The following FAT3 variants were observed in gnomAD, a reference collection of about 807,000 sequenced individuals.
FAT3 encodes FAT atypical cadherin 3.
A neutral mutation model predicts 310.2 loss-of-function variants in FAT3; 95 were observed. The ratio of observed to expected loss-of-function variants is 0.31; its 90% CI spans 0.26 to 0.36. The LOEUF is 0.36. Among genes scored for constraint, FAT3 ranks in the 10% least tolerant of loss-of-function variants. FAT3 has a pLI of 1.00. For missense variants in FAT3, 5,408 were observed against 5,715.6 expected (o/e 0.95, Z 1.74); for synonymous variants, 2,314 against 2,192.9 (o/e 1.06, Z -1.54).
At position 92,809,916 on chromosome 11, in the gene FAT3, C is replaced by T. The variant is rs1174804769; in HGVS notation, c.9321C>T (p.Asp3107=). ...ACAGCCTGATGGCCAAGGCCACTGA[C>T]GGGGGTGGCAGGTTCTGCCAGTCCA... The part of the protein sequence containing the change: ...PVYSLMAKAT[D]GGGRFCQSNI... Residue 3107 remains aspartate, a synonymous_variant, in exon 13 of 28, where the codon GAC becomes GAT. Transcript: ENST00000525166. 39 of 1,613,746 alleles carry T rather than the reference C, an allele frequency of 2.4e-5. No individual in the cohort carries two copies. Among genetic ancestry groups the T allele is most frequent in the South Asian group, 4.4e-5 (4 of 91,090 alleles).
chr11:92,734,391 A>T (rs565865735), intron 4 of FAT3, among the ~76,000 whole-genome samples: 6 of 152,184 alleles, frequency 3.9e-5, no homozygotes, highest in Non-Finnish European at 8.8e-5. Context: ...AGAAGGGATT[A>T]CATAGATGTC....
chr11:92,569,202 G>A (rs982491120), intron 3 of FAT3, among the ~76,000 whole-genome samples: 6 of 152,082 alleles, frequency 3.9e-5, no homozygotes, highest in East Asian at 3.9e-4. Context: ...TACTAGCTCC[G>A]TGATCTTATG....
intron 19 of FAT3, among the ~76,000 whole-genome samples, chr11:92,855,982 T>C (rs960560331): frequency 1.4e-5 from 2 of 140,624 alleles, no homozygotes; most frequent in African/African-American, 5.8e-5. Context: ...ACAATATGCT[T>C]TTTTTTTTTT....
chr11:92,287,812 G>T (rs1404682401), intron 1 of FAT3, among the ~76,000 whole-genome samples: 1 of 152,094 alleles, frequency 6.6e-6, no homozygotes, highest in Admixed American at 6.6e-5. Flanking sequence ...AGTGCCAGAG[G>T]TTCCCAGGTA....
intron 4 of FAT3, among the ~76,000 whole-genome samples, chr11:92,742,614 G>A (rs982541420): frequency 6.6e-6 from 1 of 152,128 alleles, no homozygotes; most frequent in Non-Finnish European, 1.5e-5. Context: ...TCTCAGGAGT[G>A]GGTTCTGGAT....
At chr11:92,392,438 C>T (rs1468694415) in intron 2 of FAT3, among the ~76,000 whole-genome samples, 1 of 152,112 alleles carries the variant, frequency 6.6e-6, no homozygotes, top group Admixed American at 6.6e-5. Flanking sequence ...TCTAAAGCTG[C>T]TCCCTCTGCC....
chr11:92,356,978 C>T lies in FAT3; in HGVS notation c.3292+1574C>T, dbSNP rs373553021. ...CAGTGTAAATTATAAAATTGGTCTC[C>T]GTGGCTATAGTAGATTAAAAAGTCT... On this transcript the variant is annotated intron_variant, in intron 2 of 27. Coordinates refer to ENST00000525166, the MANE Select transcript of FAT3 (RefSeq NM_001367949.2). 3.2e-4 allele frequency among the ~76,000 whole-genome samples: 48 copies of T among 152,144 alleles called. No homozygotes were observed. The South Asian group carries it at 8.5e-3, about 27-fold the overall frequency.
rs2136411779 is a variant in FAT3, at chr11:92,882,977, T to A, written c.12521T>A (p.Val4174Asp). 6.2e-7 allele frequency: 1 copy of A among 1,613,928 alleles called. No individual in the cohort carries two copies. Among genetic ancestry groups the A allele is most frequent in the Non-Finnish European group, 8.5e-7 (1 of 1,179,872 alleles). Residue 4174 changes from valine to aspartate, a missense_variant, in exon 24 of 28, where the codon GTC (valine) becomes GAC (aspartate). Around this residue, in one of 5 missense-constraint regions of FAT3, gnomAD observed 649 missense variants for 666.2 expected, o/e 0.97. Transcript: ENST00000525166. Reference protein sequence around the residue: ...VIFILVVLFIVFRKKVFRKNY... With the variant: ...VIFILVVLFIDFRKKVFRKNY... The stretch of plus-strand genomic sequence containing the variant: ...TTCATCCTGGTGGTTCTCTTCATAG[T>A]CTTCCGCAAGAAGGTCTTCCGCAAG...
intron 13 of FAT3, among the ~76,000 whole-genome samples, chr11:92,815,816 G>A (rs1181194491): frequency 6.6e-6 from 1 of 152,160 alleles, no homozygotes; most frequent in Non-Finnish European, 1.5e-5. Context: ...ATTCAAGTGT[G>A]AACCTCCAGA....
At chr11:92,659,541 ACTT>A (rs1390579193) in intron 3 of FAT3, among the ~76,000 whole-genome samples, 1 of 152,120 alleles carries the variant, frequency 6.6e-6, no homozygotes, top group Non-Finnish European at 1.5e-5. Context: ...CTTTTCTCAC[ACTT>A]CTTCATAATT....
chr11:92,704,866 G>A (rs1008457603), intron 4 of FAT3, among the ~76,000 whole-genome samples: 4 of 152,110 alleles, frequency 2.6e-5, no homozygotes, highest in Non-Finnish European at 4.4e-5. Context: ...CACCTCACAA[G>A]GCTACACAAA....
At chr11:92,641,892 T>C (rs1204304788) in intron 3 of FAT3, among the ~76,000 whole-genome samples, 2 of 152,378 alleles carry the variant, frequency 1.3e-5, no homozygotes, top group East Asian at 1.9e-4. Context: ...TGGTTCTTAA[T>C]AGCTGAAAAA....
intron 2 of FAT3, among the ~76,000 whole-genome samples, chr11:92,375,393 G>T (rs1949313261): frequency 6.6e-6 from 1 of 152,110 alleles, no homozygotes; most frequent in Non-Finnish European, 1.5e-5. Context: ...CTCCTGCCTT[G>T]GACTCCCAAA....
chr11:92,262,047 A>G (rs564443930), intron 1 of FAT3, among the ~76,000 whole-genome samples: 54 of 151,870 alleles, frequency 3.6e-4, no homozygotes, highest in African/African-American at 1.3e-3. Context: ...CATTGTTCCC[A>G]TGTGACCTAA....
At chr11:92,714,788 G>A (rs1327768003) in intron 4 of FAT3, among the ~76,000 whole-genome samples, 1 of 152,014 alleles carries the variant, frequency 6.6e-6, no homozygotes, top group Non-Finnish European at 1.5e-5. Context: ...GGTATCTTTA[G>A]CACTAACACA....
At chr11:92,512,010 G>A (rs1279208804) in intron 2 of FAT3, among the ~76,000 whole-genome samples, 2 of 152,078 alleles carry the variant, frequency 1.3e-5, no homozygotes, top group South Asian at 2.1e-4. Flanking sequence ...ATGGACACAC[G>A]TGGATAGATC....
chr11:92,760,717 A>G (rs921273368), intron 4 of FAT3, among the ~76,000 whole-genome samples: 9 of 152,226 alleles, frequency 5.9e-5, no homozygotes, highest in African/African-American at 2.2e-4. Context: ...ATAATGCATG[A>G]AAGAGTGCGT....
Position 92,885,252 on chromosome 11 carries a change from A to C in FAT3, c.12938-1748A>C, listed in dbSNP as rs143158656. 5.8e-3 allele frequency among the ~76,000 whole-genome samples: 882 copies of C among 152,286 alleles called. 6 individuals are homozygous for C. Among genetic ancestry groups the C allele is most frequent in the Non-Finnish European group, 9.7e-3 (658 of 68,022 alleles). ...GAAGCACACTGCTGTGTGTTGCATC[A>C]TCTCCTTAAACCATCATAGTGCCCC... is the stretch of plus-strand genomic sequence containing the variant. On this transcript the variant is annotated intron_variant, in intron 24 of 27. Coordinates refer to ENST00000525166, the MANE Select transcript of FAT3 (RefSeq NM_001367949.2).
At chr11:92,872,056 G>T (rs760274508) in intron 22 of FAT3, among the ~76,000 whole-genome samples, 1 of 152,108 alleles carries the variant, frequency 6.6e-6, no homozygotes, top group Non-Finnish European at 1.5e-5. Flanking sequence ...AAGAGTAATA[G>T]TGTCTGCCAC....
Sources: allele counts gnomAD v4.1 joint callset (sites outside exome capture counted in the v4.1 genomes callset), GRCh38; gene constraint gnomAD v4.1.1; regional missense constraint gnomAD v4.1.1; transcripts MANE v1.5; gene names NCBI Gene and HGNC (gene_info 2026-07-23, HGNC 2026-07-21).